The following CCNY variants were observed in gnomAD, a reference collection of about 807,000 sequenced individuals.
CCNY encodes the protein cyclin-Y.
Under a neutral mutation model 42.8 loss-of-function variants are expected in CCNY, and 19 were observed. That is an observed-to-expected ratio of 0.44 (90% CI 0.31 to 0.65). The LOEUF (loss-of-function observed/expected upper bound fraction) is 0.65. Among genes scored for constraint, CCNY ranks in the 30% least tolerant of loss-of-function variants. CCNY has a pLI of 0.07. For missense variants in CCNY, 370 were observed against 437.3 expected (o/e 0.85, Z 1.37); for synonymous variants, 165 against 162.7 (o/e 1.01, Z -0.11).
In CCNY at chr10:35,431,968, G is replaced by A. The variant is rs560532908; in HGVS notation, c.155-51436G>A. On this transcript the variant is annotated intron_variant, in intron 1 of 9. Coordinates refer to ENST00000374704, the MANE Select transcript of CCNY (RefSeq NM_145012.6). ...GGAAGTTTATAAGGTATTCAGTTCT[G>A]TGTCTGAGAAAAATTATGGTTCATT... 3.3e-5 allele frequency among the ~76,000 whole-genome samples: 5 copies of A among 152,292 alleles called. No individual in the cohort carries two copies. In the South Asian group the frequency reaches 1.0e-3, roughly 32 times the overall value.
At chr10:35,346,970 T>G (rs1836319261) in intron 1 of CCNY, among the ~76,000 whole-genome samples, 1 of 152,244 alleles carries the variant, frequency 6.6e-6, no homozygotes, top group African/African-American at 2.4e-5. Flanking sequence ...TTTTGTTTTG[T>G]TTTGTTTTTT....
intron 3 of CCNY, 45 bp downstream of exon 3, chr10:35,501,580 T>C (rs1840111500): frequency 6.6e-7 from 1 of 1,524,190 alleles, no homozygotes; most frequent in Non-Finnish European, 9.1e-7. Context: ...GACTGTACAG[T>C]GTAAAGAGCT....
At position 35,572,572 on chromosome 10, in the gene CCNY, C is replaced by G. The variant is rs778460622; in HGVS notation, c.*3402C>G. On this transcript the variant is annotated 3_prime_UTR_variant, in exon 10 of 10. Coordinates refer to ENST00000374704, the MANE Select transcript of CCNY (RefSeq NM_145012.6). Reference sequence around the variant, plus strand: ...TGAGATTACAGGCGTGAGCCACTGCCCCTGGCCCAGATTTGAAATTTTTTA... The same window carrying G: ...TGAGATTACAGGCGTGAGCCACTGCGCCTGGCCCAGATTTGAAATTTTTTA... The G allele has an allele frequency of 6.6e-6, 1 of 152,098 alleles. No individual in the cohort carries two copies. The highest frequency in any genetic ancestry group is 1.5e-5 in the Non-Finnish European group (1 of 68,024). 9.4% of individuals were successfully genotyped at this position (152,098 alleles called of 1,614,324 possible). A position where few individuals can be genotyped will look rare whatever the true frequency, so the allele number is the denominator to read the frequency against.
intron 3 of CCNY, among the ~76,000 whole-genome samples, chr10:35,289,234 A>G (rs746784806): frequency 6.6e-6 from 1 of 152,188 alleles, no homozygotes; most frequent in Non-Finnish European, 1.5e-5. Context: ...GTTTTTGTAT[A>G]TTGACTATCA....
At chr10:35,316,901 A>G (rs1564367068) in intron 3 of CCNY, among the ~76,000 whole-genome samples, 1 of 152,208 alleles carries the variant, frequency 6.6e-6, no homozygotes, top group Non-Finnish European at 1.5e-5. Context: ...GCTGGAGTGC[A>G]GTGGTGCAAT....
intron 1 of CCNY, among the ~76,000 whole-genome samples, chr10:35,417,499 T>A (rs1297419506): frequency 6.6e-6 from 1 of 152,180 alleles, no homozygotes; most frequent in Non-Finnish European, 1.5e-5. Context: ...GAGAAGTTGA[T>A]GATGGTCAGT....
At chr10:35,376,406 CA>C (rs1837053277) in intron 1 of CCNY, among the ~76,000 whole-genome samples, 1 of 152,148 alleles carries the variant, frequency 6.6e-6, no homozygotes, top group East Asian at 1.9e-4. Context: ...GAAGACAACT[CA>C]AATGTCCATC....
At chr10:35,500,605 C>A (rs1840091149) in intron 2 of CCNY, among the ~76,000 whole-genome samples, 1 of 152,180 alleles carries the variant, frequency 6.6e-6, no homozygotes, top group African/African-American at 2.4e-5. Context: ...TTGAATGAAA[C>A]CTATTCTTCA....
At chr10:35,264,619 C>T (rs771186818) in intron 3 of CCNY, among the ~76,000 whole-genome samples, 8 of 151,830 alleles carry the variant, frequency 5.3e-5, no homozygotes, top group Non-Finnish European at 1.2e-4. Context: ...ATCTTTTGAG[C>T]AGTGTCTGTT....
At chr10:35,343,025 CAG>C (rs1407065758) in intron 1 of CCNY, among the ~76,000 whole-genome samples, 1 of 120,934 alleles carries the variant, frequency 8.3e-6, no homozygotes, top group Non-Finnish European at 1.7e-5. Flanking sequence ...TTTTTTAAGA[CAG>C]GGTTTTACTC....
At chr10:35,469,836 G>T (rs1477654667) in intron 1 of CCNY, among the ~76,000 whole-genome samples, 1 of 149,136 alleles carries the variant, frequency 6.7e-6, no homozygotes, top group Non-Finnish European at 1.5e-5. Context: ...GGAGAGACAG[G>T]GCGATGGAGA....
intron 7 of CCNY, among the ~76,000 whole-genome samples, chr10:35,534,291 G>A (rs1255216097): frequency 1.3e-5 from 2 of 152,152 alleles, no homozygotes; most frequent in Admixed American, 1.3e-4. Context: ...CAAAGTTCTG[G>A]GATTACAGGC....
intron 7 of CCNY, among the ~76,000 whole-genome samples, chr10:35,536,048 G>A (rs1297379709): frequency 6.6e-6 from 1 of 152,200 alleles, no homozygotes; most frequent in Non-Finnish European, 1.5e-5. Flanking sequence ...TAGTTTGGCT[G>A]TGTCCCCACC....
chr10:35,442,601 A>G (rs1175767389), intron 1 of CCNY, among the ~76,000 whole-genome samples: 1 of 152,248 alleles, frequency 6.6e-6, no homozygotes, highest in Non-Finnish European at 1.5e-5. Flanking sequence ...AACTGTTTGA[A>G]ATACTGAGAT....
chr10:35,368,148 A>T (rs1836849611), intron 1 of CCNY, among the ~76,000 whole-genome samples: 3 of 152,236 alleles, frequency 2.0e-5, no homozygotes, highest in Admixed American at 2.0e-4. Context: ...TTGGGAAATC[A>T]GCTTTGTAGT....
chr10:35,431,049 G>A (rs187794176), intron 1 of CCNY, among the ~76,000 whole-genome samples: 3 of 151,632 alleles, frequency 2.0e-5, no homozygotes, highest in Non-Finnish European at 4.4e-5. Context: ...CCTGAGAGAC[G>A]GAGGTTGCAG....
intron 1 of CCNY, among the ~76,000 whole-genome samples, chr10:35,401,973 G>C (rs1837654723): frequency 6.6e-6 from 1 of 152,120 alleles, no homozygotes; most frequent in Non-Finnish European, 1.5e-5. Context: ...TATATGTGCA[G>C]GTCACTGGGA....
intron 1 of CCNY, among the ~76,000 whole-genome samples, chr10:35,482,307 A>G (rs1839686371): frequency 6.6e-6 from 1 of 152,206 alleles, no homozygotes; most frequent in African/African-American, 2.4e-5. Context: ...AATTTATTGA[A>G]ATAATTGAAC....
intron 7 of CCNY, among the ~76,000 whole-genome samples, chr10:35,549,247 T>C (rs939064352): frequency 5.3e-5 from 8 of 152,142 alleles, no homozygotes; most frequent in African/African-American, 7.2e-5. Context: ...TTCTGGTTGC[T>C]TTGGGGAGCA....
Sources: gnomAD v4.1 joint callset for allele counts (sites outside exome capture counted in the v4.1 genomes callset) on GRCh38, gnomAD v4.1.1 for gene constraint, MANE v1.5 for transcripts, NCBI Gene and HGNC (gene_info 2026-07-23, HGNC 2026-07-21) for gene names.